Variants in IPO13 observed in about 807,000 individuals in gnomAD.
The protein encoded by IPO13 is importin 13.
Under a neutral mutation model 115.5 loss-of-function variants are expected in IPO13, and 28 were observed. The observed-to-expected ratio is 0.24, with a 90% confidence interval of 0.18 to 0.33. The LOEUF (loss-of-function observed/expected upper bound fraction) is 0.33, where lower values mean the gene tolerates loss of function less well. IPO13 is among the 10% of genes least tolerant of loss of function. The pLI, the probability that IPO13 is intolerant of heterozygous loss-of-function variation, is 1.00. For missense variants in IPO13, 785 were observed against 1,204.6 expected, an observed-to-expected ratio of 0.65 and a Z score of 5.16; for synonymous variants, 414 against 478.9, an observed-to-expected ratio of 0.86 and a Z score of 1.77.
chr1:43,960,506 G>A (rs2085282110), intron 12 of IPO13, among the ~76,000 whole-genome samples, 177 bp downstream of exon 12: 1 of 152,220 alleles, frequency 6.6e-6, no homozygotes, highest in Non-Finnish European at 1.5e-5. Flanking sequence ...AATATCATGA[G>A]AAGTGCTTAA....
In IPO13 at chr1:43,947,001, G is replaced by T. The variant is rs535750278; in HGVS notation, c.-600G>T. The stretch of plus-strand genomic sequence containing the variant: ...AGGCAGCGGCTGTAGCGGGGCTGTA[G>T]CCGGGCGTTGAGCACAGCGCGGGCC... On this transcript the variant is annotated 5_prime_UTR_variant, in exon 1 of 20. Coordinates refer to ENST00000372343, the MANE Select transcript of IPO13 (RefSeq NM_014652.4). 1 of 398,754 alleles carries T rather than the reference G, an allele frequency of 2.5e-6. No individual in the cohort carries two copies. Among genetic ancestry groups the T allele is most frequent in the East Asian group, 3.6e-5 (1 of 28,072 alleles). The allele number at this position is 398,754 out of a possible 1,614,324, so 24.7% of individuals were successfully genotyped here. A position where few individuals can be genotyped will look rare whatever the true frequency, so the allele number is the denominator to read the frequency against.
At position 43,967,867 on chromosome 1, in the gene IPO13, T is replaced by A; in HGVS notation, c.*185T>A. ...GGACCCAGGCCTTGGGAGGGAATGG[T>A]GGGAACATCCTCTAGCTCCCAGGTT... On this transcript the variant is annotated 3_prime_UTR_variant, in exon 20 of 20. Coordinates refer to ENST00000372343, the MANE Select transcript of IPO13 (RefSeq NM_014652.4). This position sits in a 1 kb window ranked among gnomAD's most constrained non-coding sequence, Gnocchi z 6.1. 3 of 627,552 alleles carry A rather than the reference T, an allele frequency of 4.8e-6. No individual in the cohort carries two copies. In the South Asian group the frequency reaches 5.7e-5, roughly 12 times the overall value. The allele number at this position is 627,552 out of a possible 1,614,324, so 38.9% of individuals were successfully genotyped here. A position where few individuals can be genotyped will look rare whatever the true frequency, so the allele number is the denominator to read the frequency against.
At chr1:43,955,945 C>T (rs2085244302) in intron 2 of IPO13, among the ~76,000 whole-genome samples, 1 of 145,916 alleles carries the variant, frequency 6.9e-6, no homozygotes, top group Non-Finnish European at 1.5e-5. Context: ...GAGCAGGAGG[C>T]TGAGTCTCTT....
At chr1:43,961,106 T>C in intron 13 of IPO13, 60 bp from the exon 14 acceptor site, 1 of 1,605,966 alleles carries the variant, frequency 6.2e-7, no homozygotes. Context: ...ATTCCAGGGA[T>C]ATTGCCATGT....
chr1:43,948,190 G>T (rs1189347278), intron 1 of IPO13, among the ~76,000 whole-genome samples: 1 of 152,240 alleles, frequency 6.6e-6, no homozygotes, highest in Non-Finnish European at 1.5e-5. Flanking sequence ...GAGCAGGCAG[G>T]CCTGGGGCTG....
chr1:43,947,390 TG>T lies in IPO13; in HGVS notation c.-208del. On this transcript the variant is annotated 5_prime_UTR_variant, in exon 1 of 20. Coordinates refer to ENST00000372343, the MANE Select transcript of IPO13 (RefSeq NM_014652.4). ...GCTCCCTCCTCGGAGTCCCCTTCAT[TG>T]GGTCTCCTAAGAGCACCAATTTTGG... 1 of 399,068 alleles carries T rather than the reference TG, an allele frequency of 2.5e-6. No homozygotes were observed. Among genetic ancestry groups the T allele is most frequent in the Non-Finnish European group, 4.4e-6 (1 of 226,250 alleles). 24.7% of individuals were successfully genotyped at this position (399,068 alleles called of 1,614,324 possible). A position where few individuals can be genotyped will look rare whatever the true frequency, so the allele number is the denominator to read the frequency against.
At chr1:43,965,398 C>T (rs2085315762) in intron 15 of IPO13, among the ~76,000 whole-genome samples, 1 of 152,016 alleles carries the variant, frequency 6.6e-6, no homozygotes, top group Admixed American at 6.5e-5. Flanking sequence ...TTCTTGCTCT[C>T]CTGGAACTTA....
chr1:43,966,699 T>G lies in IPO13; in HGVS notation c.2465-25T>G, dbSNP rs373700665. The G allele has an allele frequency of 6.8e-6, 11 of 1,614,184 alleles. No individual in the cohort carries two copies. The highest frequency in any genetic ancestry group is 9.3e-6 in the Non-Finnish European group (11 of 1,180,014). ...GGCTCCCCTAGAAGGATCGTTAAAC[T>G]GATCTGCCTCTGCCTTTCCCACAGC... On this transcript the variant is annotated intron_variant, in intron 16 of 19. Transcript: ENST00000372343. This position sits in a 1 kb window ranked among gnomAD's most constrained non-coding sequence, Gnocchi z 4.1.
chr1:43,947,481 C>A lies in IPO13; in HGVS notation c.-120C>A. ...CCTCGGCAGCCATGCCCGCCCTGGG[C>A]CCCCCCTCACCCCACCACTCCCTGG... On this transcript the variant is annotated 5_prime_UTR_variant, in exon 1 of 20. Coordinates refer to ENST00000372343, the MANE Select transcript of IPO13 (RefSeq NM_014652.4). The A allele has an allele frequency of 2.0e-6, 1 of 510,862 alleles. No homozygotes were observed. Among genetic ancestry groups the A allele is most frequent in the South Asian group, 8.9e-5 (1 of 11,194 alleles). The allele number at this position is 510,862 out of a possible 1,614,324, so 31.6% of individuals were successfully genotyped here.
chr1:43,965,502 GGT>G (rs907949256), intron 15 of IPO13, among the ~76,000 whole-genome samples: 2 of 152,046 alleles, frequency 1.3e-5, no homozygotes, highest in African/African-American at 4.8e-5. Flanking sequence ...TGTTTTCAAA[GGT>G]GTATCTTTGA....
chr1:43,956,543 C>T lies in IPO13; in HGVS notation c.963-17C>T, dbSNP rs1281547193. 6.2e-7 allele frequency: 1 copy of T among 1,614,166 alleles called. No homozygotes were observed. Among genetic ancestry groups the T allele is most frequent in the Admixed American group, 1.7e-5 (1 of 60,022 alleles). On this transcript the variant is annotated splice_polypyrimidine_tract_variant and intron_variant, in intron 3 of 19. Transcript: ENST00000372343. This position sits in a 1 kb window ranked among gnomAD's most constrained non-coding sequence, Gnocchi z 4.7. ...GGAAGTCCCTGGAAAGGTAGAATGACCTGACTCTCTCCCCAGGGCCTTGCT... is the reference window on the plus strand; with the variant it reads ...GGAAGTCCCTGGAAAGGTAGAATGATCTGACTCTCTCCCCAGGGCCTTGCT...
In IPO13 at chr1:43,958,821, A is replaced by G. The variant is rs780420685; in HGVS notation, c.1960A>G (p.Ser654Gly). 6 of 1,613,986 alleles carry G rather than the reference A, an allele frequency of 3.7e-6. No homozygotes were observed. In the African/African-American group the frequency reaches 8.0e-5, roughly 22 times the overall value. ...LSNLFTTLDI[S>G]HHEDDHEGPE... ...CAACCTCTTCACCACACTGGACATC[A>G]GTCATCATGAGGATGATCATGAAGG... is the stretch of plus-strand genomic sequence containing the variant. Residue 654 changes from serine (S) to glycine (G), a missense_variant, in exon 11 of 20, where the codon AGT becomes GGT. By Grantham distance (56) the Ser-to-Gly change is moderately conservative. Coordinates refer to ENST00000372343, the MANE Select transcript of IPO13 (RefSeq NM_014652.4). The surrounding 1 kb of genome is among the most constrained non-coding windows in gnomAD (Gnocchi z 6.3).
intron 14 of IPO13, among the ~76,000 whole-genome samples, chr1:43,963,839 AC>A (rs934637986): frequency 3.8e-4 from 57 of 149,998 alleles, no homozygotes; most frequent in Non-Finnish European, 6.2e-4. Flanking sequence ...TGACTCCCCC[AC>A]CCCCCCACCG....
In IPO13 at chr1:43,967,268, G is replaced by A. The variant is rs768032354; in HGVS notation, c.2614-47G>A. ...AGTTAGGCATTCTTGCTGCAGAAGC[G>A]GCGGAAGGGGCAACACCCTGGTGTG... On this transcript the variant is annotated intron_variant, in intron 18 of 19. Coordinates refer to ENST00000372343, the MANE Select transcript of IPO13 (RefSeq NM_014652.4). This position sits in a 1 kb window ranked among gnomAD's most constrained non-coding sequence, Gnocchi z 6.1. 1.2e-5 allele frequency: 19 copies of A among 1,583,390 alleles called. No homozygotes were observed. In the South Asian group the frequency reaches 1.7e-4, roughly 14 times the overall value.
rs141431824 is a variant in IPO13 at position 43,964,614 on chromosome 1, G to A, written c.2397+293G>A. Among the ~76,000 whole-genome samples, 775 of 152,264 alleles carry A rather than the reference G, an allele frequency of 5.1e-3. 6 individuals carry two copies. The highest frequency in any genetic ancestry group is 0.017 in the African/African-American group (724 of 41,542). On this transcript the variant is annotated intron_variant, in intron 15 of 19. Coordinates refer to ENST00000372343, the MANE Select transcript of IPO13 (RefSeq NM_014652.4). ...GGGAAAGGGAGGGGGTGGTGACTGC[G>A]CCCAGCAGCTTCTTGTTGCCCAAGA...
rs1371987895 is a variant in IPO13 at position 43,947,503 on chromosome 1, C to T, written c.-98C>T. 4.5e-6 allele frequency: 3 copies of T among 664,588 alleles called. No homozygotes were observed. Among genetic ancestry groups the T allele is most frequent in the East Asian group, 3.4e-5 (1 of 29,194 alleles). The allele number at this position is 664,588 out of a possible 1,614,324, so 41.2% of individuals were successfully genotyped here. A position where few individuals can be genotyped will look rare whatever the true frequency, so the allele number is the denominator to read the frequency against. On this transcript the variant is annotated 5_prime_UTR_variant, in exon 1 of 20. Transcript: ENST00000372343. The stretch of plus-strand genomic sequence containing the variant: ...GGGCCCCCCCTCACCCCACCACTCC[C>T]TGGGCACCCAAGCCGGGGTCTAGCA...
At chr1:43,960,821 G>C (rs1359046770) in intron 12 of IPO13, 55 bp from the exon 13 acceptor site, 2 of 1,605,262 alleles carry the variant, frequency 1.2e-6, no homozygotes, top group African/African-American at 2.7e-5. Flanking sequence ...GGGCTTCAGC[G>C]CTGTTCCAGC....
intron 5 of IPO13, 84 bp from the exon 6 acceptor site, chr1:43,957,111 G>C (rs756540363): frequency 3.6e-5 from 57 of 1,573,974 alleles, no homozygotes; most frequent in Non-Finnish European, 4.2e-5. Context: ...GAGTTGTGGG[G>C]GTACTGGGGT....
Position 43,957,199 on chromosome 1 carries a change from G to T in IPO13, c.1276G>T (p.Asp426Tyr), listed in dbSNP as rs1396880714. ...AGGCCTTCATCTGCTTCTCAGGGTG[G>T]ACATCTCAGACACGCTCATGTATGT... The part of the protein sequence containing the change: ...EKEQFRIYRV[D>Y]ISDTLMYVYE... Residue 426 changes from aspartate to tyrosine, a missense_variant, in exon 6 of 20, where the codon GAC becomes TAC. Physicochemically the swap from Asp to Tyr is radical, Grantham distance 160 (BLOSUM62 -3). Transcript: ENST00000372343. The T allele has an allele frequency of 6.2e-7, 1 of 1,613,708 alleles. No homozygotes were observed. Among genetic ancestry groups the T allele is most frequent in the South Asian group, 1.1e-5 (1 of 91,058 alleles).
Sources: allele counts gnomAD v4.1 joint callset (sites outside exome capture counted in the v4.1 genomes callset), GRCh38; gene constraint gnomAD v4.1.1; non-coding constraint Gnocchi (gnomAD v3.1); transcripts MANE v1.5; gene names NCBI Gene and HGNC (gene_info 2026-07-23, HGNC 2026-07-21).